The following RPH3A variants were observed in gnomAD, a reference collection of about 807,000 sequenced individuals.
RPH3A encodes rabphilin-3A.
In RPH3A, 48 loss-of-function variants were observed where a neutral mutation model predicts 102.2. That is an observed-to-expected ratio of 0.47 (90% CI 0.37 to 0.60). The LOEUF is 0.60. RPH3A is among the 20% of genes least tolerant of loss of function. The pLI, the probability that RPH3A is intolerant of heterozygous loss-of-function variation, is 0.00. For synonymous variants in RPH3A, 310 were observed against 324.3 expected (o/e 0.96, Z 0.47); for missense variants, 781 against 910.1 (o/e 0.86, Z 1.83).
At chr12:112,725,766 T>TTTGTTGTTG (rs374402903) in intron 1 of RPH3A, among the ~76,000 whole-genome samples, 3,982 of 148,568 alleles carry the variant, frequency 0.027, 68 homozygotes, top group Non-Finnish European at 0.029. Context: ...GAGTGTAGTT[T>TTTGTTGTTG]TTGTTGTTGT....
chr12:112,688,781 C>T (rs1439841188), intron 1 of RPH3A, among the ~76,000 whole-genome samples: 1 of 152,126 alleles, frequency 6.6e-6, no homozygotes, highest in African/African-American at 2.4e-5. Flanking sequence ...AAAGAATTTC[C>T]AGCCATTCTT....
chr12:112,821,266 C>A (rs1250687913), intron 2 of RPH3A, among the ~76,000 whole-genome samples: 3 of 152,158 alleles, frequency 2.0e-5, no homozygotes, highest in Non-Finnish European at 4.4e-5. Flanking sequence ...GTAGAAATCC[C>A]AACAGCCTGG....
chr12:112,868,908 C>G, intron 8 of RPH3A: 2 of 252,062 alleles, frequency 7.9e-6, no homozygotes, highest in Non-Finnish European at 1.5e-5. Context: ...CAAGATCACA[C>G]TGGAGCCTGG....
chr12:112,694,264 G>A (rs1263617923), intron 1 of RPH3A, among the ~76,000 whole-genome samples: 1 of 152,170 alleles, frequency 6.6e-6, no homozygotes, highest in East Asian at 1.9e-4. Context: ...TTTGGTGGGA[G>A]GATGCAGGGA....
intron 1 of RPH3A, among the ~76,000 whole-genome samples, chr12:112,760,080 AG>A (rs1297233139): frequency 6.6e-6 from 1 of 152,186 alleles, no homozygotes; most frequent in Non-Finnish European, 1.5e-5. Flanking sequence ...GGAAGCTCTG[AG>A]CTGAAACACC....
chr12:112,831,761 T>C (rs1236672310), intron 3 of RPH3A: 1 of 455,936 alleles, frequency 2.2e-6, no homozygotes, highest in Non-Finnish European at 4.4e-6. Context: ...GCATTCTAGG[T>C]GGACTTTGAA....
intron 7 of RPH3A, 57 bp from the exon 8 acceptor site, chr12:112,868,373 G>A (rs1176527819): frequency 7.0e-6 from 11 of 1,576,514 alleles, no homozygotes; most frequent in Non-Finnish European, 9.5e-6. Context: ...CACTCATGAA[G>A]GTAAGAGCAA....
In RPH3A at chr12:112,791,802, GC is replaced by G. The variant is rs1312288928; in HGVS notation, c.-349del. The G allele has an allele frequency of 6.7e-6, 1 of 150,102 alleles. No individual in the cohort carries two copies. The highest frequency in any genetic ancestry group is 1.5e-5 in the Non-Finnish European group (1 of 67,792). The allele number at this position is 150,102 out of a possible 1,614,324, so 9.3% of individuals were successfully genotyped here. ...CGCGGCAGAAACTGGCTCTGGGGAA[GC>G]AATTGATTCGTCTACTGCCAGCAGC... is the stretch of plus-strand genomic sequence containing the variant. On this transcript the variant is annotated 5_prime_UTR_variant, in exon 1 of 22. Transcript: ENST00000389385.
intron 1 of RPH3A, among the ~76,000 whole-genome samples, chr12:112,609,123 A>C (rs527356025): frequency 6.6e-6 from 1 of 152,296 alleles, no homozygotes; most frequent in South Asian, 2.1e-4. Context: ...TTCTTACATA[A>C]TGCCACCACC....
At chr12:112,848,550 A>G (rs2042270430) in intron 5 of RPH3A, among the ~76,000 whole-genome samples, 1 of 152,144 alleles carries the variant, frequency 6.6e-6, no homozygotes, top group Admixed American at 6.5e-5. Context: ...AAATAACAGT[A>G]ATTATCCTAT....
intron 1 of RPH3A, among the ~76,000 whole-genome samples, chr12:112,713,303 TA>T (rs2040493504): frequency 1.3e-5 from 2 of 151,966 alleles, no homozygotes. Flanking sequence ...ATTTAAATAA[TA>T]AAGTATACTT....
chr12:112,834,478 G>T (rs1202648152), intron 3 of RPH3A, among the ~76,000 whole-genome samples: 1 of 152,188 alleles, frequency 6.6e-6, no homozygotes, highest in Non-Finnish European at 1.5e-5. Context: ...GAGTGTTTCA[G>T]TCACATGGTG....
chr12:112,712,966 T>TTCTTCTTC (rs1565857004), intron 1 of RPH3A, among the ~76,000 whole-genome samples: 3 of 104,490 alleles, frequency 2.9e-5, no homozygotes, highest in African/African-American at 9.4e-5. Flanking sequence ...TCTTCTTCTT[T>TTCTTCTTC]CTTCTTCTTT....
intron 1 of RPH3A, among the ~76,000 whole-genome samples, chr12:112,693,136 G>C (rs951266163): frequency 6.6e-6 from 1 of 152,176 alleles, no homozygotes; most frequent in Admixed American, 6.5e-5. Context: ...TAAAATAAAT[G>C]TTGACACCAT....
intron 5 of RPH3A, among the ~76,000 whole-genome samples, chr12:112,860,872 T>C (rs1370515433): frequency 6.6e-6 from 1 of 152,114 alleles, no homozygotes; most frequent in African/African-American, 2.4e-5. Flanking sequence ...ATAAGAAAAA[T>C]GTCCCCATGC....
At chr12:112,577,673 T>A (rs2039369180) in intron 1 of RPH3A, among the ~76,000 whole-genome samples, 1 of 152,088 alleles carries the variant, frequency 6.6e-6, no homozygotes, top group Non-Finnish European at 1.5e-5. Flanking sequence ...GGAGTTGCTC[T>A]GGTTCAAATG....
At chr12:112,789,594 A>G (rs988523868), upstream of RPH3A, among the ~76,000 whole-genome samples, 2 of 152,158 alleles carry the variant, frequency 1.3e-5, no homozygotes, top group African/African-American at 4.8e-5. Context: ...TGAAAGGGTC[A>G]TGGTGAGGAC....
At chr12:112,722,155 CT>C (rs376175389) in intron 1 of RPH3A, among the ~76,000 whole-genome samples, 9 of 152,306 alleles carry the variant, frequency 5.9e-5, no homozygotes, top group African/African-American at 2.2e-4. Flanking sequence ...ATTGGGAGAG[CT>C]TTTGCTCATT....
intron 1 of RPH3A, among the ~76,000 whole-genome samples, chr12:112,665,193 T>G (rs898391879): frequency 6.6e-6 from 1 of 152,156 alleles, no homozygotes; most frequent in Non-Finnish European, 1.5e-5. Flanking sequence ...CCAGTCCATA[T>G]CACAGGCTTT....
Sources: allele counts gnomAD v4.1 joint callset (sites outside exome capture counted in the v4.1 genomes callset), GRCh38; gene constraint gnomAD v4.1.1; transcripts MANE v1.5; gene names NCBI Gene and HGNC (gene_info 2026-07-23, HGNC 2026-07-21).